Variants in VPS35L observed in about 807,000 individuals in gnomAD.
The protein encoded by VPS35L is VPS35 endosomal protein sorting factor like, also known as VPS35 endosomal protein-sorting factor-like.
A neutral mutation model predicts 133.0 loss-of-function variants in VPS35L; 83 were observed. The observed-to-expected ratio is 0.62, with a 90% CI of 0.52 to 0.75. The LOEUF (loss-of-function observed/expected upper bound fraction) is 0.75, where lower values mean the gene tolerates loss of function less well. VPS35L is among the 30% of genes least tolerant of loss of function. The probability of loss-of-function intolerance (pLI) is 0.00; values close to 1 mark genes in which losing one functional copy is unlikely to be tolerated. For synonymous variants in VPS35L, 423 were observed against 449.9 expected (o/e 0.94, Z 0.76); for missense variants, 1,083 against 1,206.8 (o/e 0.90, Z 1.52).
rs28404563 is a variant in VPS35L, at chr16:19,652,562, G to A, written c.2221+472G>A. On this transcript the variant is annotated intron_variant, in intron 26 of 30. Transcript: ENST00000417362. ...TTTAAATTTGTTTCTCCGCTAGGAA[G>A]CACATTGGACACATATGCATTTATA... 1,143 of 164,758 alleles carry A rather than the reference G, an allele frequency of 6.9e-3. 15 individuals carry two copies. Among genetic ancestry groups the A allele is most frequent in the African/African-American group, 0.026 (1,078 of 41,638 alleles). 10.2% of individuals were successfully genotyped at this position (164,758 alleles called of 1,614,324 possible). A position where few individuals can be genotyped will look rare whatever the true frequency, so the allele number is the denominator to read the frequency against.
At chr16:19,601,597 C>G in intron 8 of VPS35L, 67 bp from the exon 9 acceptor site, 2 of 1,515,446 alleles carry the variant, frequency 1.3e-6, no homozygotes, top group Non-Finnish European at 1.8e-6. Context: ...CCCTAATTAA[C>G]AAACATTTAT....
At chr16:19,655,941 TC>T (rs1320378797) in intron 26 of VPS35L, among the ~76,000 whole-genome samples, 1 of 152,132 alleles carries the variant, frequency 6.6e-6, no homozygotes, top group Non-Finnish European at 1.5e-5. Context: ...TGTTTCTTTA[TC>T]TTTACAGTTT....
intron 14 of VPS35L, among the ~76,000 whole-genome samples, chr16:19,624,683 C>T (rs1322122669): frequency 3.3e-5 from 5 of 151,964 alleles, no homozygotes; most frequent in East Asian, 3.9e-4. Flanking sequence ...TGGGCTCAAG[C>T]GAGCTTCCCA....
intron 1 of VPS35L, among the ~76,000 whole-genome samples, chr16:19,561,467 A>C (rs1193011898): frequency 6.6e-6 from 1 of 152,222 alleles, no homozygotes; most frequent in East Asian, 1.9e-4. Flanking sequence ...TTTAGAAAGG[A>C]TAGAAATGAA....
At position 19,627,280 on chromosome 16, in the gene VPS35L, CAA is replaced by C. The variant is rs202039256; in HGVS notation, c.1272-402_1272-401del. Among the ~76,000 whole-genome samples the C allele has an allele frequency of 6.4e-5, 7 of 109,092 alleles. No individual in the cohort carries two copies. In the East Asian group the frequency reaches 7.5e-4, roughly 12 times the overall value. The allele number at this position is 109,092 out of a possible 152,430, so 71.6% of individuals were successfully genotyped here. ...TGGGCAACAAAGTGAGACTCCATCT[CAA>C]AAAAAAAAAAACAAAAAAACCAAAA... On this transcript the variant is annotated intron_variant, in intron 15 of 30. Coordinates refer to ENST00000417362, the MANE Select transcript of VPS35L (RefSeq NM_020314.7).
chr16:19,653,135 G>A (rs1974187679), intron 26 of VPS35L, among the ~76,000 whole-genome samples: 1 of 152,174 alleles, frequency 6.6e-6, no homozygotes, highest in Non-Finnish European at 1.5e-5. Context: ...ATCTGTCATT[G>A]ACAGAGTGCT....
At chr16:19,683,474 C>T (rs1168382271) in intron 28 of VPS35L, among the ~76,000 whole-genome samples, 1 of 152,112 alleles carries the variant, frequency 6.6e-6, no homozygotes, top group Non-Finnish European at 1.5e-5. Context: ...TAGTGGTCTC[C>T]AATGTCTGTT....
intron 2 of VPS35L, 66 bp downstream of exon 2, chr16:19,565,016 G>A: frequency 1.5e-6 from 2 of 1,297,676 alleles, no homozygotes; most frequent in Non-Finnish European, 2.2e-6. Flanking sequence ...CAATCTTCCT[G>A]AGTCTTTTCC....
chr16:19,656,962 G>GTTTTTT (rs1180404849), intron 26 of VPS35L, among the ~76,000 whole-genome samples: 7 of 109,546 alleles, frequency 6.4e-5, no homozygotes, highest in South Asian at 3.1e-4. Flanking sequence ...AAAAGAACTT[G>GTTTTTT]TTTTTTTTTT....
At chr16:19,662,862 G>A (rs985511326) in intron 26 of VPS35L, among the ~76,000 whole-genome samples, 7 of 152,004 alleles carry the variant, frequency 4.6e-5, no homozygotes, top group East Asian at 1.9e-4. Context: ...GGTAGCAGAC[G>A]CCTATAATCC....
chr16:19,557,881 G>A (rs1167045965), intron 1 of VPS35L, among the ~76,000 whole-genome samples: 2 of 151,962 alleles, frequency 1.3e-5, no homozygotes, highest in East Asian at 3.9e-4. Flanking sequence ...GTGAAAGCCC[G>A]TCTCCACAAA....
At chr16:19,693,716 G>A (rs559524094) in intron 29 of VPS35L, among the ~76,000 whole-genome samples, 25 of 151,884 alleles carry the variant, frequency 1.6e-4, no homozygotes, top group South Asian at 4.2e-4. Flanking sequence ...CCCGGGAGGC[G>A]GAGGTTGCCG....
chr16:19,630,667 G>A (rs1973425664), intron 18 of VPS35L, among the ~76,000 whole-genome samples: 3 of 152,070 alleles, frequency 2.0e-5, no homozygotes. Context: ...CATTGCTATG[G>A]TCTGAATGTC....
chr16:19,588,597 C>CA (rs1971946082), intron 7 of VPS35L, among the ~76,000 whole-genome samples: 1 of 151,904 alleles, frequency 6.6e-6, no homozygotes, highest in Non-Finnish European at 1.5e-5. Flanking sequence ...ATCAGCTTGT[C>CA]AATTTTTACA....
chr16:19,578,661 G>A (rs1362833014), intron 5 of VPS35L: 1 of 322,194 alleles, frequency 3.1e-6, no homozygotes, highest in Non-Finnish European at 6.0e-6. Context: ...GTTAGCAGGA[G>A]AGCACAATTC....
At chr16:19,575,931 A>AGATCACTT (rs1971519390) in intron 5 of VPS35L, among the ~76,000 whole-genome samples, 1 of 149,202 alleles carries the variant, frequency 6.7e-6, no homozygotes, top group Non-Finnish European at 1.5e-5. Flanking sequence ...CAAGGCGGGC[A>AGATCACTT]GATCACTTGA....
At position 19,700,530 on chromosome 16, in the gene VPS35L, TGC is replaced by T. The variant is rs1332967078; in HGVS notation, c.*55_*56del. On this transcript the variant is annotated 3_prime_UTR_variant, in exon 31 of 31. Transcript: ENST00000417362. Reference sequence around the variant, plus strand: ...CTCTGGTGCCAAATCCAGAAAGATCTGCTCTGCTGCCCTGAACTCTTACGGCA... The same window carrying T: ...CTCTGGTGCCAAATCCAGAAAGATCTTCTGCTGCCCTGAACTCTTACGGCA... 5 of 1,433,564 alleles carry T rather than the reference TGC, an allele frequency of 3.5e-6. No individual in the cohort carries two copies. The African/African-American group carries it at 5.6e-5, about 16-fold the overall frequency. The allele number at this position is 1,433,564 out of a possible 1,614,324, so 88.8% of individuals were successfully genotyped here. A position where few individuals can be genotyped will look rare whatever the true frequency, so the allele number is the denominator to read the frequency against.
Position 19,639,957 on chromosome 16 carries a change from A to C in VPS35L, c.1699-58A>C. The C allele has an allele frequency of 6.9e-7, 1 of 1,446,968 alleles. No individual in the cohort carries two copies. Among genetic ancestry groups the C allele is most frequent in the Non-Finnish European group, 9.7e-7 (1 of 1,033,444 alleles). 89.6% of individuals were successfully genotyped at this position (1,446,968 alleles called of 1,614,324 possible). A position where few individuals can be genotyped will look rare whatever the true frequency, so the allele number is the denominator to read the frequency against. The stretch of plus-strand genomic sequence containing the variant: ...ACTCCACAGAAAAAGAGACCCACAG[A>C]TTCCTTCCTTCCAATAACTTGTGTC... On this transcript the variant is annotated intron_variant, in intron 20 of 30. Transcript: ENST00000417362. This position sits in a 1 kb window ranked among gnomAD's most constrained non-coding sequence, Gnocchi z 4.1.
intron 16 of VPS35L, 74 bp from the exon 17 acceptor site, chr16:19,628,563 C>G: frequency 1.2e-6 from 1 of 824,076 alleles, no homozygotes; most frequent in East Asian, 2.8e-5. Flanking sequence ...AACCTTTTCT[C>G]TTTTCTTTTC....
Sources: allele counts gnomAD v4.1 joint callset (sites outside exome capture counted in the v4.1 genomes callset), GRCh38; gene constraint gnomAD v4.1.1; non-coding constraint Gnocchi (gnomAD v3.1); transcripts MANE v1.5; gene names NCBI Gene and HGNC (gene_info 2026-07-23, HGNC 2026-07-21).